ATP8B4: variants seen among roughly 807,000 people sequenced by gnomAD.
ATP8B4 encodes the protein probable phospholipid-transporting ATPase IM.
A neutral mutation model predicts 145.6 loss-of-function variants in ATP8B4; 133 were observed. That is an observed-to-expected ratio of 0.91 (90% CI 0.79 to 1.05). The LOEUF (loss-of-function observed/expected upper bound fraction) is 1.05, where lower values mean the gene tolerates loss of function less well. Ranked by LOEUF, ATP8B4 falls within the 50% of genes least tolerant of loss-of-function variation. The pLI is 0.00. For synonymous variants in ATP8B4, 507 were observed against 492.9 expected (o/e 1.03, Z -0.38); for missense variants, 1,458 against 1,425.2 (o/e 1.02, Z -0.37).
upstream of ATP8B4, among the ~76,000 whole-genome samples, chr15:50,121,326 G>A (rs1008738048): frequency 6.6e-6 from 1 of 152,142 alleles, no homozygotes. Context: ...AGGCTACCAA[G>A]GGCTGCAGGA....
chr15:49,868,439 G>A (rs1291202833), intron 25 of ATP8B4, among the ~76,000 whole-genome samples: 1 of 152,152 alleles, frequency 6.6e-6, no homozygotes, highest in Non-Finnish European at 1.5e-5. Context: ...GGATATTTCT[G>A]CACTGAAATA....
chr15:49,886,710 T>G (rs1474218730), intron 23 of ATP8B4, among the ~76,000 whole-genome samples: 3 of 152,232 alleles, frequency 2.0e-5, no homozygotes, highest in Non-Finnish European at 2.9e-5. Flanking sequence ...CAAAATGTGT[T>G]AACCTGAGTC....
At position 49,897,258 on chromosome 15, in the gene ATP8B4, A is replaced by T. The variant is rs765238329; in HGVS notation, c.2697+34T>A. ...TGTAATATCATACAAAAACAAACAA[A>T]CAAACAAACAAAAAAAAACATGCTT... On this transcript the variant is annotated intron_variant, in intron 23 of 27. Coordinates refer to ENST00000284509, the MANE Select transcript of ATP8B4 (RefSeq NM_024837.4). 2.8e-5 allele frequency: 44 copies of T among 1,546,584 alleles called. No individual in the cohort carries two copies. In the Admixed American group the frequency reaches 7.6e-4, roughly 27 times the overall value.
intron 23 of ATP8B4, 186 bp downstream of exon 23, chr15:49,897,106 A>G (rs2413975): frequency 0.29 from 164,167 of 565,006 alleles, 27,868 homozygotes; most frequent in Middle Eastern, 0.4. Flanking sequence ...TTCCAGCTAG[A>G]TACATATTCT....
intron 6 of ATP8B4, among the ~76,000 whole-genome samples, chr15:50,023,808 A>C (rs1193204206): frequency 2.5e-5 from 3 of 121,158 alleles, no homozygotes; most frequent in African/African-American, 6.1e-5. Flanking sequence ...AAAAAAAAGA[A>C]AAAAAAAAAG....
At position 49,931,097 on chromosome 15, in the gene ATP8B4, T is replaced by C. The variant is rs2041210597; in HGVS notation, c.1642+22A>G. The C allele has an allele frequency of 2.5e-6, 4 of 1,586,098 alleles. No individual in the cohort carries two copies. In the East Asian group the frequency reaches 9.0e-5, roughly 36 times the overall value. Reference sequence around the variant, plus strand: ...CACAACAGTATGAAAAGATCAAAAATAGTCTTAGCTACCAACCATACCTAT... The same window carrying C: ...CACAACAGTATGAAAAGATCAAAAACAGTCTTAGCTACCAACCATACCTAT... On this transcript the variant is annotated intron_variant, in intron 16 of 27. Coordinates refer to ENST00000284509, the MANE Select transcript of ATP8B4 (RefSeq NM_024837.4).
chr15:49,974,048 C>A (rs1384103521), intron 12 of ATP8B4, among the ~76,000 whole-genome samples: 3 of 149,500 alleles, frequency 2.0e-5, no homozygotes, highest in African/African-American at 4.9e-5. Flanking sequence ...TGTCAAAAAA[C>A]AATGCAAATA....
intron 5 of ATP8B4, 52 bp from the exon 6 acceptor site, chr15:50,038,881 C>T (rs767101360): frequency 6.8e-7 from 1 of 1,468,502 alleles, no homozygotes; most frequent in Non-Finnish European, 9.5e-7. Context: ...ACTTTGTCAG[C>T]CCAAATAAGC....
rs1482048010 is a variant in ATP8B4, at chr15:49,979,741, C to T, written c.910G>A (p.Asp304Asn). The T allele has an allele frequency of 6.2e-7, 1 of 1,611,206 alleles. No individual in the cohort carries two copies. The highest frequency in any genetic ancestry group is 8.5e-7 in the Non-Finnish European group (1 of 1,177,930). The change falls in exon 12 of 28, where the codon GAC (aspartate) becomes AAC (asparagine). Residue 304 changes from aspartate (D) to asparagine (N), a missense_variant. Asp to Asn is a conservative substitution (Grantham distance 23, BLOSUM62 1). Transcript: ENST00000284509. ...CAAAAGAGGAAAGTTCTGAATTGGT[C>T]CCCAGTTTGACTCTCCCAGATTGAA... The part of the protein sequence containing the change: ...GNSIWESQTG[D>N]QFRTFLFWNE...
intron 23 of ATP8B4, chr15:49,896,590 T>C (rs900925266): frequency 8.5e-5 from 13 of 152,230 alleles, no homozygotes; most frequent in Admixed American, 4.6e-4. Flanking sequence ...TTGTTCAAAA[T>C]GTCAATGCCA....
intron 3 of ATP8B4, among the ~76,000 whole-genome samples, chr15:50,072,058 AATTG>A (rs944850156): frequency 1.3e-5 from 2 of 151,026 alleles, no homozygotes; most frequent in African/African-American, 2.4e-5. Flanking sequence ...ATTAATTAAT[AATTG>A]ATTAATAATT....
chr15:50,035,479 A>G (rs2050763947), intron 6 of ATP8B4, among the ~76,000 whole-genome samples: 1 of 152,200 alleles, frequency 6.6e-6, no homozygotes, highest in South Asian at 2.1e-4. Context: ...ACTCTAACGT[A>G]GACTCTTACC....
chr15:50,164,755 G>T (rs1304144397), intron 1 of ATP8B4, among the ~76,000 whole-genome samples: 1 of 152,206 alleles, frequency 6.6e-6, no homozygotes, highest in African/African-American at 2.4e-5. Flanking sequence ...ATGGTGACGG[G>T]CTTCCAGAAC....
At chr15:50,030,122 A>C (rs2153590973) in intron 6 of ATP8B4, among the ~76,000 whole-genome samples, 1 of 152,244 alleles carries the variant, frequency 6.6e-6, no homozygotes, top group South Asian at 2.1e-4. Flanking sequence ...GATCCTAAGA[A>C]AACTTTATAT....
chr15:50,143,741 C>G (rs2044241956), intron 1 of ATP8B4, among the ~76,000 whole-genome samples: 1 of 152,036 alleles, frequency 6.6e-6, no homozygotes, highest in South Asian at 2.1e-4. Context: ...CAAATGGAAA[C>G]AGGGAGGGAT....
At chr15:49,978,908 G>A (rs373138855) in intron 12 of ATP8B4, among the ~76,000 whole-genome samples, 72 of 152,078 alleles carry the variant, frequency 4.7e-4, no homozygotes, top group Non-Finnish European at 8.7e-4. Context: ...TTATGGGACC[G>A]AATCTAATCC....
intron 6 of ATP8B4, among the ~76,000 whole-genome samples, chr15:50,015,969 G>A (rs1386958285): frequency 6.6e-6 from 1 of 152,194 alleles, no homozygotes; most frequent in African/African-American, 2.4e-5. Context: ...AAGAGATGAT[G>A]AAAGATGTAG....
At chr15:49,921,331 T>C (rs901692477) in intron 17 of ATP8B4, among the ~76,000 whole-genome samples, 2 of 152,240 alleles carry the variant, frequency 1.3e-5, no homozygotes, top group East Asian at 1.9e-4. Flanking sequence ...ATGAAGTTAG[T>C]ACTAAATTAG....
intron 7 of ATP8B4, among the ~76,000 whole-genome samples, chr15:50,008,601 A>AAT (rs1276801327): frequency 4.6e-5 from 7 of 152,216 alleles, no homozygotes; most frequent in Non-Finnish European, 1.0e-4. Context: ...CACATACCAT[A>AAT]ATATAGAAAA....
Sources: allele counts gnomAD v4.1 joint callset (sites outside exome capture counted in the v4.1 genomes callset), GRCh38; gene constraint gnomAD v4.1.1; transcripts MANE v1.5; gene names NCBI Gene and HGNC (gene_info 2026-07-23, HGNC 2026-07-21).